The following CHRNE variants were observed in gnomAD, a reference collection of about 807,000 sequenced individuals.
The protein encoded by CHRNE is acetylcholine receptor subunit epsilon.
A neutral mutation model predicts 56.5 loss-of-function variants in CHRNE; 58 were observed. The ratio of observed to expected loss-of-function variants is 1.03; its 90% CI spans 0.83 to 1.28. CHRNE has a LOEUF of 1.28. CHRNE is among the 50% of genes most tolerant of loss of function. The probability of loss-of-function intolerance (pLI) is 0.00; values close to 1 mark genes in which losing one functional copy is unlikely to be tolerated. For missense variants in CHRNE, 793 were observed against 688.9 expected (o/e 1.15, Z -1.69); for synonymous variants, 385 against 297.9 (o/e 1.29, Z -3.01).
At chr17:4,900,039 C>T (rs1376141875) in intron 8 of CHRNE, 4 of 1,551,266 alleles carry the variant, frequency 2.6e-6, no homozygotes, top group Admixed American at 3.9e-5. Flanking sequence ...CTGGAGCCAC[C>T]CGAACCGAAG....
intron 8 of CHRNE, 72 bp from the exon 9 acceptor site, chr17:4,899,654 CA>C: frequency 6.9e-7 from 1 of 1,454,192 alleles, no homozygotes; most frequent in Non-Finnish European, 9.4e-7. Flanking sequence ...GCTGACCTCA[CA>C]AACACGGCTT....
chr17:4,906,920 T>C (rs1405887356), upstream of CHRNE, among the ~76,000 whole-genome samples: 1 of 152,172 alleles, frequency 6.6e-6, no homozygotes, highest in Non-Finnish European at 1.5e-5. Flanking sequence ...GAGATCATTA[T>C]GTTAGGTGAA....
rs1207425953 is a variant in CHRNE, at chr17:4,900,004, G to A, written c.918-422C>T. The stretch of plus-strand genomic sequence containing the variant: ...TGGCCGCAGCCCATGAATATCTGGA[G>A]CAGAGGTTCAGAGAGCTGAAGTCCC... On this transcript the variant is annotated intron_variant, in intron 8 of 11. Transcript: ENST00000649488. 5.8e-6 allele frequency: 9 copies of A among 1,551,570 alleles called. No homozygotes were observed. The Admixed American group carries it at 1.8e-4, about 30-fold the overall frequency.
Position 4,902,539 on chromosome 17 carries a change from A to G in CHRNE, c.190-45T>C. 1.2e-6 allele frequency: 2 copies of G among 1,614,202 alleles called. No homozygotes were observed. The highest frequency in any genetic ancestry group is 2.2e-5 in the South Asian group (2 of 91,086). Reference sequence around the variant, plus strand: ...ATGATTGAAGTGAGATTTCAGGGCCAGAAGTGAGCTTTAGGACAGAGCTCA... The same window carrying G: ...ATGATTGAAGTGAGATTTCAGGGCCGGAAGTGAGCTTTAGGACAGAGCTCA... On this transcript the variant is annotated intron_variant, in intron 2 of 11. Coordinates refer to ENST00000649488, the MANE Select transcript of CHRNE (RefSeq NM_000080.4). The surrounding 1 kb of genome is among the most constrained non-coding windows in gnomAD (Gnocchi z 4.0).
chr17:4,901,891 C>CCTCCG (rs1555546937), intron 5 of CHRNE, 41 bp downstream of exon 5: 1 of 1,606,302 alleles, frequency 6.2e-7, no homozygotes. Flanking sequence ...AAGGCCCCCC[C>CCTCCG]CCAACAATAA....
chr17:4,900,064 GCCTGCCCCGAAGCCCAC>G, intron 8 of CHRNE: 2 of 1,551,176 alleles, frequency 1.3e-6, no homozygotes, highest in Non-Finnish European at 1.7e-6. Flanking sequence ...AGGGGATGCT[GCCTGCCCCGAAGCCCAC>G]CCTGGGGCTG....
rs1228133214 is a variant in CHRNE, at chr17:4,900,905, C to T, written c.805G>A (p.Gly269Ser). 4 of 1,614,034 alleles carry T rather than the reference C, an allele frequency of 2.5e-6. No individual in the cohort carries two copies. Among genetic ancestry groups the T allele is most frequent in the South Asian group, 2.2e-5 (2 of 91,092 alleles). ...LLAYFLPAQA[G>S]GQKCTVSINV... ...ATGGAGACCGTGCATTTCTGGCCGC[C>T]GGCTGGAGGGAGAGCCAGTGAGAGC... Residue 269 changes from glycine to serine, a missense_variant and splice_region_variant, in exon 8 of 12, where the codon GGC becomes AGC. Transcript: ENST00000649488.
chr17:4,906,233 G>C (rs1187852294), upstream of CHRNE, among the ~76,000 whole-genome samples: 1 of 152,130 alleles, frequency 6.6e-6, no homozygotes, highest in Non-Finnish European at 1.5e-5. Flanking sequence ...GCCTAAGACT[G>C]CCTTGTTTAG....
At chr17:4,901,815 C>T in intron 5 of CHRNE, 117 bp downstream of exon 5, 5 of 1,481,204 alleles carry the variant, frequency 3.4e-6, no homozygotes, top group Non-Finnish European at 3.7e-6. Context: ...AGTGCCTACG[C>T]CTGGCTCCGC....
upstream of CHRNE, among the ~76,000 whole-genome samples, chr17:4,907,168 A>T (rs1033993781): frequency 1.3e-5 from 2 of 150,598 alleles, no homozygotes; most frequent in Non-Finnish European, 3.0e-5. Flanking sequence ...TTCATTGTAC[A>T]TGTTAAAAAA....
At chr17:4,907,566 CAAAAA>C (rs34317332), upstream of CHRNE, among the ~76,000 whole-genome samples, 2 of 61,064 alleles carry the variant, frequency 3.3e-5, no homozygotes, top group African/African-American at 1.4e-4. Flanking sequence ...GACTCAGTCT[CAAAAA>C]AAAAAAAAAA....
chr17:4,902,456 A>C lies in CHRNE; in HGVS notation c.228T>G (p.Ile76Met), dbSNP rs771019646. 4 of 1,614,216 alleles carry C rather than the reference A, an allele frequency of 2.5e-6. No homozygotes were observed. Among genetic ancestry groups the C allele is most frequent in the Middle Eastern group, 1.6e-4 (1 of 6,062 alleles). Residue 76 changes from isoleucine (I) to methionine (M), a missense_variant, in exon 3 of 12, where the codon ATT becomes ATG. Physicochemically the swap from Ile to Met is conservative, Grantham distance 10 (BLOSUM62 1). Transcript: ENST00000649488. This position sits in a 1 kb window ranked among gnomAD's most constrained non-coding sequence, Gnocchi z 4.0. ...KEETLTTSVWIGIDWQDYRLN... is the reference protein window; with the variant it reads ...KEETLTTSVWMGIDWQDYRLN... ...TTCCCCAGATTTGACTCACGATTCC[A>C]ATCCAGACGCTAGTGGTGAGAGTCT...
chr17:4,901,120 GCCGTCGGTGGCGCCA>G lies in CHRNE; in HGVS notation c.657_671del (p.Gly220_Gly224del), dbSNP rs1205741998. 2 of 1,612,760 alleles carry G rather than the reference GCCGTCGGTGGCGCCA, an allele frequency of 1.2e-6. No homozygotes were observed. The highest frequency in any genetic ancestry group is 2.7e-5 in the African/African-American group (2 of 74,926). ...AGTAGATGACGTCAGTCTCCCCTGG[GCCGTCGGTGGCGCCA>G]CCGTGGTGGCGGCGGATCACCCCCG... On this transcript the variant is annotated inframe_deletion, in exon 7 of 12. Coordinates refer to ENST00000649488, the MANE Select transcript of CHRNE (RefSeq NM_000080.4).
intron 8 of CHRNE, chr17:4,900,239 C>T: frequency 6.5e-7 from 1 of 1,547,452 alleles, no homozygotes; most frequent in Non-Finnish European, 8.7e-7. Flanking sequence ...CAATGCAGAT[C>T]TCAGCCCTGT....
chr17:4,906,142 G>A (rs1283986121), upstream of CHRNE, among the ~76,000 whole-genome samples: 1 of 152,178 alleles, frequency 6.6e-6, no homozygotes, highest in Non-Finnish European at 1.5e-5. Context: ...TCTCTGCAGA[G>A]GCAGCACTTT....
chr17:4,908,084 C>A (rs1403026679), upstream of CHRNE, among the ~76,000 whole-genome samples: 5 of 152,092 alleles, frequency 3.3e-5, no homozygotes, highest in African/African-American at 1.2e-4. Flanking sequence ...GCAGGAGAAT[C>A]CCCTTGAACC....
Position 4,901,163 on chromosome 17 carries a change from C to A in CHRNE, c.629G>T (p.Cys210Phe), listed in dbSNP as rs746300839. 2 of 1,608,558 alleles carry A rather than the reference C, an allele frequency of 1.2e-6. No individual in the cohort carries two copies. The highest frequency in any genetic ancestry group is 3.3e-5 in the Admixed American group (2 of 59,992). Residue 210 changes from cysteine (C) to phenylalanine (F), a missense_variant, in exon 7 of 12, where the codon TGC becomes TTC. Cys to Phe is a radical substitution (Grantham distance 205). Coordinates refer to ENST00000649488, the MANE Select transcript of CHRNE (RefSeq NM_000080.4). ...GTGGTGGCGGCGGATCACCCCCGGG[C>A]AGAAGTCGATGGCCCACTCGCCGTT... ...TENGEWAIDF[C>F]PGVIRRHHGG...
rs368279189 is a variant in CHRNE at position 4,898,940 on chromosome 17, C to A, written c.1327-49G>T. 1.9e-6 allele frequency: 3 copies of A among 1,564,504 alleles called. No individual in the cohort carries two copies. The African/African-American group carries it at 4.1e-5, about 21-fold the overall frequency. On this transcript the variant is annotated intron_variant, in intron 11 of 11. Transcript: ENST00000649488. ...GTAAAGAGGCAGCTGCAGGAGCCAG[C>A]GGCATGGGAGACAGTGGTGGGCCTC...
chr17:4,899,023 C>T lies in CHRNE; in HGVS notation c.1304G>A (p.Arg435Lys). 2 of 1,608,420 alleles carry T rather than the reference C, an allele frequency of 1.2e-6. No individual in the cohort carries two copies. Among genetic ancestry groups the T allele is most frequent in the South Asian group, 1.1e-5 (1 of 89,834 alleles). ...DAVNFVAEST[R>K]DQEATGEEVS... ...CACCTCGCCGGTGGCCTCCTGATCT[C>T]TCGTGCTCTCGGCCACGAAGTTCAC... Residue 435 changes from arginine (R) to lysine (K), a missense_variant, in exon 11 of 12, where the codon AGA (arginine) becomes AAA (lysine). By Grantham distance (26) the Arg-to-Lys change is conservative. Coordinates refer to ENST00000649488, the MANE Select transcript of CHRNE (RefSeq NM_000080.4).
Sources: allele counts gnomAD v4.1 joint callset (sites outside exome capture counted in the v4.1 genomes callset), GRCh38; gene constraint gnomAD v4.1.1; non-coding constraint Gnocchi (gnomAD v3.1); transcripts MANE v1.5; gene names NCBI Gene and HGNC (gene_info 2026-07-23, HGNC 2026-07-21).